CNTNAP2: variants seen among roughly 807,000 people sequenced by gnomAD.
The protein encoded by CNTNAP2 is contactin associated protein 2.
A neutral mutation model predicts 155.2 loss-of-function variants in CNTNAP2; 98 were observed. The ratio of observed to expected loss-of-function variants is 0.63; its 90% CI spans 0.54 to 0.75. The LOEUF (loss-of-function observed/expected upper bound fraction) is 0.75. CNTNAP2 is among the 30% of genes least tolerant of loss of function. CNTNAP2 has a pLI of 0.00. For missense variants in CNTNAP2, 1,727 were observed against 1,688.1 expected, an observed-to-expected ratio of 1.02 and a Z score of -0.40; for synonymous variants, 651 against 631.2, an observed-to-expected ratio of 1.03 and a Z score of -0.47.
At chr7:146,917,343 T>A (rs1039634235) in intron 3 of CNTNAP2, among the ~76,000 whole-genome samples, 1 of 152,178 alleles carries the variant, frequency 6.6e-6, no homozygotes, top group Admixed American at 6.5e-5. Context: ...CAGGGTATAG[T>A]TTAAGTCCGT....
At chr7:146,401,266 T>C (rs1324233893) in intron 1 of CNTNAP2, among the ~76,000 whole-genome samples, 2 of 152,108 alleles carry the variant, frequency 1.3e-5, no homozygotes, top group African/African-American at 4.8e-5. Flanking sequence ...TCCAAGACAG[T>C]AGGGCCTACA....
At chr7:148,183,095 T>C (rs1334138218) in intron 18 of CNTNAP2, among the ~76,000 whole-genome samples, 4 of 152,208 alleles carry the variant, frequency 2.6e-5, no homozygotes, top group Non-Finnish European at 2.9e-5. Context: ...GAGAGCCTGC[T>C]GTGGGGGAAG....
intron 3 of CNTNAP2, among the ~76,000 whole-genome samples, chr7:146,853,126 G>A (rs1794912716): frequency 6.6e-6 from 1 of 152,126 alleles, no homozygotes; most frequent in Admixed American, 6.5e-5. Context: ...CCTTTGGAAA[G>A]ATTTTGTGAT....
rs73465915 is a variant in CNTNAP2, at chr7:146,334,544, C to T, written c.97+217571C>T. Among the ~76,000 whole-genome samples, 717 of 151,884 alleles carry T rather than the reference C, an allele frequency of 4.7e-3. 9 individuals are homozygous for T. Among genetic ancestry groups the T allele is most frequent in the African/African-American group, 0.017 (685 of 41,424 alleles). On this transcript the variant is annotated intron_variant, in intron 1 of 23. Coordinates refer to ENST00000361727, the MANE Select transcript of CNTNAP2 (RefSeq NM_014141.6). ...AGTTCTCCTGTCTTCTTTCATGGCA[C>T]CTGAGAGTTTGAAAAATAAAAGGTT...
intron 1 of CNTNAP2, among the ~76,000 whole-genome samples, chr7:146,346,643 C>G (rs1367524070): frequency 6.6e-6 from 1 of 152,008 alleles, no homozygotes; most frequent in Non-Finnish European, 1.5e-5. Context: ...GATCACTGCT[C>G]TCCAGCCTGG....
rs532507810 is a variant in CNTNAP2 at position 148,366,154 on chromosome 7, A to G, written c.3476-17495A>G. Among the ~76,000 whole-genome samples the G allele has an allele frequency of 8.5e-5, 5 of 58,918 alleles. 2 individuals are homozygous for G. The highest frequency in any genetic ancestry group is 3.2e-4 in the African/African-American group (5 of 15,574). The allele number at this position is 58,918 out of a possible 152,430, so 38.7% of individuals were successfully genotyped here. A position where few individuals can be genotyped will look rare whatever the true frequency, so the allele number is the denominator to read the frequency against. On this transcript the variant is annotated intron_variant, in intron 21 of 23. Transcript: ENST00000361727. ...TGTATGCATGTATGTGTATGCATGT[A>G]TGCATGTATGTGTGTGCATGTATAC...
chr7:146,552,032 T>C (rs1442438147), intron 1 of CNTNAP2, among the ~76,000 whole-genome samples: 1 of 152,034 alleles, frequency 6.6e-6, no homozygotes. Context: ...AGATAAAAAA[T>C]GCAACTGATA....
intron 1 of CNTNAP2, among the ~76,000 whole-genome samples, chr7:146,279,371 AATT>A (rs922986099): frequency 4.6e-5 from 7 of 151,924 alleles, no homozygotes; most frequent in African/African-American, 1.7e-4. Context: ...GGTTAGAAGA[AATT>A]ATTCATCTTT....
chr7:146,378,835 T>C (rs1795341480), intron 1 of CNTNAP2, among the ~76,000 whole-genome samples: 1 of 152,250 alleles, frequency 6.6e-6, no homozygotes, highest in South Asian at 2.1e-4. Context: ...ACTTTGGGAC[T>C]ACTTATACAT....
At chr7:146,230,860 C>G (rs1374875923) in intron 1 of CNTNAP2, among the ~76,000 whole-genome samples, 2 of 151,896 alleles carry the variant, frequency 1.3e-5, no homozygotes, top group Non-Finnish European at 2.9e-5. Flanking sequence ...ACTAACAATA[C>G]AAAAAATAGC....
chr7:148,156,383 A>G lies in CNTNAP2; in HGVS notation c.2773+8674A>G, dbSNP rs1347706694. Among the ~76,000 whole-genome samples, 2 of 152,004 alleles carry G rather than the reference A, an allele frequency of 1.3e-5. 1 individual carries two copies. The highest frequency in any genetic ancestry group is 1.3e-4 in the Admixed American group (2 of 15,278). On this transcript the variant is annotated intron_variant, in intron 17 of 23. Transcript: ENST00000361727. ...TGTCTCCTGCGCTCTTTCCTGAAATACTTTCTTCCCACAGATTCCACAGCC... is the reference window on the plus strand; with the variant it reads ...TGTCTCCTGCGCTCTTTCCTGAAATGCTTTCTTCCCACAGATTCCACAGCC...
intron 12 of CNTNAP2, among the ~76,000 whole-genome samples, chr7:147,608,897 A>G (rs1169364471): frequency 6.6e-6 from 1 of 152,062 alleles, no homozygotes; most frequent in Non-Finnish European, 1.5e-5. Flanking sequence ...GTTCTCTGGC[A>G]GGCAGGGGCG....
chr7:146,202,541 T>C (rs1481212718), intron 1 of CNTNAP2, among the ~76,000 whole-genome samples: 2 of 152,114 alleles, frequency 1.3e-5, no homozygotes, highest in African/African-American at 4.8e-5. Flanking sequence ...CCAAACTATA[T>C]AGAAACCTAT....
chr7:148,357,421 A>T (rs574091778), intron 21 of CNTNAP2, among the ~76,000 whole-genome samples: 12 of 152,286 alleles, frequency 7.9e-5, no homozygotes, highest in African/African-American at 2.6e-4. Flanking sequence ...AGACTAATAC[A>T]CCACACATGC....
intron 1 of CNTNAP2, among the ~76,000 whole-genome samples, chr7:146,567,271 T>C (rs1563137957): frequency 6.6e-6 from 1 of 152,202 alleles, no homozygotes; most frequent in African/African-American, 2.4e-5. Context: ...ATTTTTAAAA[T>C]GTCACATAAT....
chr7:147,062,167 A>AAAAAAAAAAAC (rs1563062236), intron 4 of CNTNAP2, among the ~76,000 whole-genome samples: 1 of 139,214 alleles, frequency 7.2e-6, no homozygotes. Flanking sequence ...AAAAAAAAAA[A>AAAAAAAAAAAC]AAACCAGTTC....
intron 1 of CNTNAP2, among the ~76,000 whole-genome samples, chr7:146,471,263 T>C (rs907178021): frequency 6.6e-6 from 1 of 152,240 alleles, no homozygotes; most frequent in Admixed American, 6.5e-5. Context: ...TTCCTCTGTC[T>C]GGCCACATCC....
chr7:148,261,072 C>A (rs1796551181), intron 20 of CNTNAP2, among the ~76,000 whole-genome samples: 1 of 152,216 alleles, frequency 6.6e-6, no homozygotes, highest in African/African-American at 2.4e-5. Flanking sequence ...TCTTTTCTTC[C>A]TGGTAGAGAG....
At chr7:146,473,361 C>G (rs1380128892) in intron 1 of CNTNAP2, among the ~76,000 whole-genome samples, 1 of 152,134 alleles carries the variant, frequency 6.6e-6, no homozygotes, top group Non-Finnish European at 1.5e-5. Context: ...CTTGAATTAT[C>G]TCATGCTTTT....
Sources: gnomAD v4.1 joint callset for allele counts (sites outside exome capture counted in the v4.1 genomes callset) on GRCh38, gnomAD v4.1.1 for gene constraint, MANE v1.5 for transcripts, NCBI Gene and HGNC (gene_info 2026-07-23, HGNC 2026-07-21) for gene names.